APP: variants seen among roughly 807,000 people sequenced by gnomAD.
The protein encoded by APP is amyloid-beta precursor protein.
APP carries 31 observed loss-of-function variants against 101.4 expected under a neutral mutation model. The ratio of observed to expected loss-of-function variants is 0.31; its 90% CI spans 0.23 to 0.41. The LOEUF (loss-of-function observed/expected upper bound fraction) is 0.41. APP is among the 10% of genes least tolerant of loss of function. APP has a pLI of 1.00. For synonymous variants in APP, 366 were observed against 364.4 expected (o/e 1.00, Z -0.05); for missense variants, 839 against 1,003.7 (o/e 0.84, Z 2.22).
intron 17 of APP, among the ~76,000 whole-genome samples, chr21:25,883,390 G>A (rs1339573513): frequency 6.6e-6 from 1 of 151,770 alleles, no homozygotes; most frequent in East Asian, 1.9e-4. Flanking sequence ...GAGACAGAGT[G>A]AGACTCCATC....
intron 3 of APP, among the ~76,000 whole-genome samples, chr21:26,059,416 T>C (rs1269789710): frequency 1.3e-5 from 2 of 152,124 alleles, no homozygotes; most frequent in African/African-American, 2.4e-5. Context: ...GTAATTACTG[T>C]AAAATGCCAA....
intron 12 of APP, among the ~76,000 whole-genome samples, chr21:25,955,271 C>T (rs533603263): frequency 1.3e-5 from 2 of 152,236 alleles, no homozygotes; most frequent in African/African-American, 4.8e-5. Context: ...CACATGAAAT[C>T]TCAACATTCC....
chr21:26,011,671 T>A (rs886237162), intron 6 of APP, among the ~76,000 whole-genome samples: 1 of 152,058 alleles, frequency 6.6e-6, no homozygotes, highest in African/African-American at 2.4e-5. Flanking sequence ...TTTAGTAACT[T>A]TGCCCACCAA....
chr21:25,880,913 A>G lies in APP; in HGVS notation c.*757T>C, dbSNP rs537547227. 1.3e-5 allele frequency: 2 copies of G among 152,914 alleles called. No homozygotes were observed. The highest frequency in any genetic ancestry group is 2.9e-5 in the Non-Finnish European group (2 of 68,174). The allele number at this position is 152,914 out of a possible 1,614,324, so 9.5% of individuals were successfully genotyped here. A position where few individuals can be genotyped will look rare whatever the true frequency, so the allele number is the denominator to read the frequency against. ...AAAATTGTTTTGGAGAATTCTTGGTAATTGAAGACCAGCAGAGCACCCCTC... is the reference window on the plus strand; with the variant it reads ...AAAATTGTTTTGGAGAATTCTTGGTGATTGAAGACCAGCAGAGCACCCCTC... On this transcript the variant is annotated 3_prime_UTR_variant, in exon 18 of 18. Transcript: ENST00000346798.
At chr21:25,959,463 A>G (rs983485167) in intron 11 of APP, among the ~76,000 whole-genome samples, 4 of 152,198 alleles carry the variant, frequency 2.6e-5, no homozygotes, top group African/African-American at 9.7e-5. Context: ...AAAGTTAAAA[A>G]CAAAGAAATA....
chr21:25,896,452 A>G (rs1018060666), intron 16 of APP, among the ~76,000 whole-genome samples: 2 of 152,138 alleles, frequency 1.3e-5, no homozygotes, highest in Non-Finnish European at 2.9e-5. Context: ...AAACAAAAGA[A>G]GTGCCTGAGA....
chr21:25,952,901 T>C (rs2041154097), intron 13 of APP, among the ~76,000 whole-genome samples: 2 of 152,226 alleles, frequency 1.3e-5, no homozygotes, highest in South Asian at 4.1e-4. Context: ...CTTACTGATG[T>C]CTATTCTCCA....
chr21:26,040,930 T>C (rs373783411), intron 5 of APP, among the ~76,000 whole-genome samples: 11 of 152,180 alleles, frequency 7.2e-5, no homozygotes, highest in African/African-American at 1.9e-4. Context: ...ATTGAAACAC[T>C]GGGGATACTG....
intron 15 of APP, among the ~76,000 whole-genome samples, chr21:25,901,398 C>A (rs1166488072): frequency 1.4e-5 from 2 of 147,574 alleles, no homozygotes; most frequent in Admixed American, 6.8e-5. Flanking sequence ...TTTGGTGGTC[C>A]AAAAAAAAAA....
At chr21:25,997,936 CT>C (rs1425676619) in intron 7 of APP, among the ~76,000 whole-genome samples, 1 of 152,164 alleles carries the variant, frequency 6.6e-6, no homozygotes, top group African/African-American at 2.4e-5. Flanking sequence ...GAGCATCGAC[CT>C]TTTGCAAAAC....
chr21:25,887,767 G>A (rs56164950), intron 17 of APP, among the ~76,000 whole-genome samples: 2 of 151,888 alleles, frequency 1.3e-5, no homozygotes, highest in East Asian at 1.9e-4. Flanking sequence ...CTGCACAGGT[G>A]TGGAGCCTAG....
chr21:25,903,565 T>C (rs1422151767), intron 15 of APP, among the ~76,000 whole-genome samples: 3 of 152,076 alleles, frequency 2.0e-5, no homozygotes, highest in African/African-American at 7.2e-5. Context: ...AGAGCATGTC[T>C]TTTAAAGAGA....
intron 17 of APP, 21 bp from the exon 18 acceptor site, chr21:25,881,792 T>C: frequency 3.1e-6 from 5 of 1,607,862 alleles, no homozygotes; most frequent in Non-Finnish European, 4.3e-6. Flanking sequence ...AGAGGAGAGC[T>C]GAGTAAAAAA....
At chr21:25,983,202 G>T (rs967798862) in intron 8 of APP, among the ~76,000 whole-genome samples, 1 of 152,156 alleles carries the variant, frequency 6.6e-6, no homozygotes, top group African/African-American at 2.4e-5. Flanking sequence ...TGTAACTCAT[G>T]AGCCAAGTGA....
chr21:26,017,039 A>T (rs148044970), intron 6 of APP, among the ~76,000 whole-genome samples: 26,215 of 149,370 alleles, frequency 0.18, 2,646 homozygotes, highest in South Asian at 0.28. Flanking sequence ...TCTACTAAAA[A>T]TACAAAAAAA....
chr21:26,068,330 C>A (rs906085404), intron 3 of APP: 1 of 152,024 alleles, frequency 6.6e-6, no homozygotes, highest in Non-Finnish European at 1.5e-5. Context: ...CTCTTCTCAG[C>A]CCTCCAGTTC....
intron 2 of APP, among the ~76,000 whole-genome samples, chr21:26,098,564 C>T (rs924422102): frequency 6.6e-6 from 1 of 152,158 alleles, no homozygotes; most frequent in Non-Finnish European, 1.5e-5. Context: ...AACAGGCCAC[C>T]TAAGACAGGT....
chr21:26,120,081 G>T (rs1292049325), intron 1 of APP, among the ~76,000 whole-genome samples: 1 of 152,144 alleles, frequency 6.6e-6, no homozygotes, highest in Non-Finnish European at 1.5e-5. Context: ...GCCGGGATCA[G>T]CTGACCCTTG....
intron 5 of APP, among the ~76,000 whole-genome samples, chr21:26,047,379 A>G (rs1216407279): frequency 6.6e-6 from 1 of 152,230 alleles, no homozygotes; most frequent in Non-Finnish European, 1.5e-5. Flanking sequence ...CAGGTACGTT[A>G]AACTTCTATT....
Sources: gnomAD v4.1 joint callset for allele counts (sites outside exome capture counted in the v4.1 genomes callset) on GRCh38, gnomAD v4.1.1 for gene constraint, MANE v1.5 for transcripts, NCBI Gene and HGNC (gene_info 2026-07-23, HGNC 2026-07-21) for gene names.